SLC10A7: variants seen among roughly 807,000 people sequenced by gnomAD.
The protein encoded by SLC10A7 is solute carrier family 10 member 7.
SLC10A7 carries 29 observed loss-of-function variants against 43.2 expected under a neutral mutation model. The ratio of observed to expected loss-of-function variants is 0.67; its 90% CI spans 0.50 to 0.92. SLC10A7 has a LOEUF of 0.92. Among genes scored for constraint, SLC10A7 ranks in the 40% least tolerant of loss-of-function variants. SLC10A7 has a pLI of 0.00. For synonymous variants in SLC10A7, 152 were observed against 144.8 expected (o/e 1.05, Z -0.35); for missense variants, 295 against 403.2 (o/e 0.73, Z 2.30).
chr4:146,493,473 G>A (rs1410827445), intron 4 of SLC10A7, among the ~76,000 whole-genome samples: 11 of 150,432 alleles, frequency 7.3e-5, no homozygotes, highest in South Asian at 2.1e-4. Flanking sequence ...GCAACAGTGC[G>A]AGACTCTGTC....
chr4:146,456,117 T>A (rs1732029164), intron 4 of SLC10A7, among the ~76,000 whole-genome samples: 1 of 150,130 alleles, frequency 6.7e-6, no homozygotes, highest in Non-Finnish European at 1.5e-5. Flanking sequence ...CACAAGAAAT[T>A]AGAAAAAGAA....
intron 5 of SLC10A7, among the ~76,000 whole-genome samples, chr4:146,326,781 C>T (rs1343164121): frequency 1.3e-5 from 2 of 152,064 alleles, no homozygotes; most frequent in East Asian, 3.9e-4. Context: ...TTTAGTTTTT[C>T]CTTTGTCTCT....
intron 5 of SLC10A7, among the ~76,000 whole-genome samples, chr4:146,384,009 G>C (rs1421830054): frequency 6.6e-6 from 1 of 151,938 alleles, no homozygotes; most frequent in African/African-American, 2.4e-5. Flanking sequence ...AAACACTCTG[G>C]GTCTCAGTTT....
Position 146,320,200 on chromosome 4 carries a change from G to C in SLC10A7, c.471+5761C>G, listed in dbSNP as rs377146455. On this transcript the variant is annotated intron_variant, in intron 6 of 11. Coordinates refer to ENST00000335472, the MANE Select transcript of SLC10A7 (RefSeq NM_001029998.6). ...ATTTCAAATGAGACCAGTCAGCATG[G>C]TAGTATGTTTGCTCCAGCATGTTCA... 3.3e-5 allele frequency among the ~76,000 whole-genome samples: 5 copies of C among 152,180 alleles called. No individual in the cohort carries two copies. In the East Asian group the frequency reaches 9.7e-4, roughly 29 times the overall value.
chr4:146,325,059 T>C (rs987624222), intron 6 of SLC10A7, among the ~76,000 whole-genome samples: 1 of 152,216 alleles, frequency 6.6e-6, no homozygotes, highest in Non-Finnish European at 1.5e-5. Context: ...ATTACTCTAA[T>C]TGAATTCCAA....
Position 146,442,513 on chromosome 4 carries a change from C to A in SLC10A7, c.435+270G>T, listed in dbSNP as rs1730682881. The A allele has an allele frequency of 1.0e-5, 13 of 1,249,826 alleles. No homozygotes were observed. The South Asian group carries it at 2.6e-4, about 25-fold the overall frequency. 77.4% of individuals were successfully genotyped at this position (1,249,826 alleles called of 1,614,324 possible). ...TTAAATGATCAATATATTGACATAA[C>A]CTCTATAAGGAGACACATAGTGTTT... On this transcript the variant is annotated intron_variant, in intron 5 of 11. Transcript: ENST00000335472.
At chr4:146,468,634 T>C (rs1469552224) in intron 4 of SLC10A7, among the ~76,000 whole-genome samples, 2 of 152,050 alleles carry the variant, frequency 1.3e-5, no homozygotes, top group African/African-American at 4.8e-5. Context: ...CACACCCGGC[T>C]AATTTTTAGT....
rs148157170 is a variant in SLC10A7 at position 146,468,891 on chromosome 4, C to A, written c.397-26070G>T. ...GATTTGTGAGGCTTCAGAAAATATT[C>A]AATAACAAATACATTTTTTTAAACC... On this transcript the variant is annotated intron_variant, in intron 4 of 11. Transcript: ENST00000335472. Among the ~76,000 whole-genome samples, 244 of 152,112 alleles carry A rather than the reference C, an allele frequency of 1.6e-3. 6 individuals are homozygous for A. In the East Asian group the frequency reaches 0.044, roughly 27 times the overall value.
Position 146,442,792 on chromosome 4 carries a change from T to A in SLC10A7, c.426A>T (p.Gly142=), listed in dbSNP as rs772099922. Residue 142 remains glycine, a synonymous_variant, in exon 5 of 12, where the codon GGA becomes GGT. Coordinates refer to ENST00000335472, the MANE Select transcript of SLC10A7 (RefSeq NM_001029998.6). Reference sequence around the variant, plus strand: ...AACTATGTTTACTTACCAAAAAACTTCCAAAGGCTGAATTAAATATTGCAG... The same window carrying A: ...AACTATGTTTACTTACCAAAAAACTACCAAAGGCTGAATTAAATATTGCAG... ...EAAAIFNSAF[G]SFLGIVITPL... 1 of 1,601,704 alleles carries A rather than the reference T, an allele frequency of 6.2e-7. No individual in the cohort carries two copies. Among genetic ancestry groups the A allele is most frequent in the Non-Finnish European group, 8.5e-7 (1 of 1,176,300 alleles).
intron 6 of SLC10A7, among the ~76,000 whole-genome samples, chr4:146,309,066 C>T (rs1219003000): frequency 1.3e-5 from 2 of 152,098 alleles, no homozygotes; most frequent in Non-Finnish European, 2.9e-5. Context: ...CCAAGTATGC[C>T]TGCACTCAGT....
chr4:146,414,899 C>T (rs546127891), intron 5 of SLC10A7, among the ~76,000 whole-genome samples: 1 of 152,176 alleles, frequency 6.6e-6, no homozygotes, highest in East Asian at 1.9e-4. Context: ...TTAATAGTCC[C>T]AGAATTAATA....
At chr4:146,506,535 T>A (rs1736916291) in intron 3 of SLC10A7, among the ~76,000 whole-genome samples, 2 of 152,174 alleles carry the variant, frequency 1.3e-5, no homozygotes, top group Non-Finnish European at 2.9e-5. Flanking sequence ...TTTACTTCTC[T>A]GAAATAAGAC....
intron 4 of SLC10A7, among the ~76,000 whole-genome samples, chr4:146,499,868 A>G (rs1736238585): frequency 6.6e-6 from 1 of 152,230 alleles, no homozygotes; most frequent in Non-Finnish European, 1.5e-5. Context: ...ACATGTAAGT[A>G]GACTTTAGAA....
intron 4 of SLC10A7, among the ~76,000 whole-genome samples, chr4:146,443,633 G>A (rs1224019041): frequency 6.6e-6 from 1 of 152,176 alleles, no homozygotes; most frequent in Non-Finnish European, 1.5e-5. Context: ...TACATCTCCT[G>A]CATACCCAGA....
intron 2 of SLC10A7, 145 bp downstream of exon 2, chr4:146,516,893 G>T: frequency 1.7e-6 from 1 of 588,154 alleles, no homozygotes; most frequent in Non-Finnish European, 3.0e-6. Flanking sequence ...TGAAACACAA[G>T]TCCTTTGCCG....
intron 6 of SLC10A7, among the ~76,000 whole-genome samples, chr4:146,315,902 T>A (rs1334638697): frequency 1.3e-5 from 2 of 152,140 alleles, no homozygotes; most frequent in Non-Finnish European, 2.9e-5. Flanking sequence ...ATCATTTGAA[T>A]CATTCTAATC....
chr4:146,326,003 G>C lies in SLC10A7; in HGVS notation c.436-7C>G. 1 of 1,610,430 alleles carries C rather than the reference G, an allele frequency of 6.2e-7. No homozygotes were observed. The highest frequency in any genetic ancestry group is 8.5e-7 in the Non-Finnish European group (1 of 1,178,468). Reference sequence around the variant, plus strand: ...GGGGTGTTATAACGATGCCCTGAAAGAAATAAAAGAGAGGATGATCATTTA... The same window carrying C: ...GGGGTGTTATAACGATGCCCTGAAACAAATAAAAGAGAGGATGATCATTTA... On this transcript the variant is annotated splice_region_variant and splice_polypyrimidine_tract_variant and intron_variant, in intron 5 of 11. Coordinates refer to ENST00000335472, the MANE Select transcript of SLC10A7 (RefSeq NM_001029998.6).
chr4:146,422,991 T>C (rs941239515), intron 5 of SLC10A7, among the ~76,000 whole-genome samples: 1 of 152,134 alleles, frequency 6.6e-6, no homozygotes, highest in Non-Finnish European at 1.5e-5. Context: ...AGCAGCTACA[T>C]TGAAAGCATT....
intron 5 of SLC10A7, among the ~76,000 whole-genome samples, chr4:146,414,839 C>T (rs1728457643): frequency 6.6e-6 from 1 of 151,712 alleles, no homozygotes; most frequent in South Asian, 2.1e-4. Context: ...GGAAGCTGGG[C>T]AAAACAAAAG....
Sources: allele counts gnomAD v4.1 joint callset (sites outside exome capture counted in the v4.1 genomes callset), GRCh38; gene constraint gnomAD v4.1.1; transcripts MANE v1.5; gene names NCBI Gene and HGNC (gene_info 2026-07-23, HGNC 2026-07-21).